The following SHISA9 variants were observed in gnomAD, a reference collection of about 807,000 sequenced individuals.
The protein encoded by SHISA9 is shisa family member 9.
Under a neutral mutation model 38.0 loss-of-function variants are expected in SHISA9, and 13 were observed. That is an observed-to-expected ratio of 0.34 (90% CI 0.22 to 0.54). The LOEUF (loss-of-function observed/expected upper bound fraction) is 0.54, where lower values mean the gene tolerates loss of function less well. SHISA9 is among the 20% of genes least tolerant of loss of function. The pLI, the probability that SHISA9 is intolerant of heterozygous loss-of-function variation, is 0.91. For missense variants in SHISA9, 538 were observed against 575.8 expected, an observed-to-expected ratio of 0.93 and a Z score of 0.67; for synonymous variants, 275 against 242.0, an observed-to-expected ratio of 1.14 and a Z score of -1.27.
intron 2 of SHISA9, among the ~76,000 whole-genome samples, chr16:13,167,065 C>CT (rs1029913159): frequency 2.8e-5 from 4 of 142,658 alleles, no homozygotes; most frequent in Admixed American, 7.1e-5. Flanking sequence ...CTCTCTCTCT[C>CT]TTTTTTCTTT....
At chr16:13,502,122 A>C in the SHISA9 span, among the ~76,000 whole-genome samples, 1 of 152,350 alleles carries the variant, frequency 6.6e-6, no homozygotes, top group African/African-American at 2.4e-5. Flanking sequence ...TATATTTTAA[A>C]ATACTTTGTA....
At chr16:13,015,645 G>T (rs527996789) in intron 2 of SHISA9, among the ~76,000 whole-genome samples, 2 of 152,184 alleles carry the variant, frequency 1.3e-5, no homozygotes, top group African/African-American at 2.4e-5. Flanking sequence ...GCCCCTAAAG[G>T]CATGCAGGCT....
At chr16:12,946,657 C>T (rs12922637) in intron 2 of SHISA9, among the ~76,000 whole-genome samples, 30,770 of 152,164 alleles carry the variant, frequency 0.2, 3,827 homozygotes, top group Middle Eastern at 0.36. Context: ...AGTCAGTCCC[C>T]GGCTCTGGCT....
intron 2 of SHISA9, among the ~76,000 whole-genome samples, chr16:13,187,502 T>C (rs970319611): frequency 9.9e-5 from 15 of 151,784 alleles, no homozygotes; most frequent in African/African-American, 3.6e-4. Context: ...ACTGGGCTAA[T>C]TTTTGTATTT....
the SHISA9 span, among the ~76,000 whole-genome samples, chr16:13,463,097 A>C: frequency 6.6e-6 from 1 of 152,228 alleles, no homozygotes; most frequent in African/African-American, 2.4e-5. Context: ...GGAAGGTTGC[A>C]GTGAGCTGTG....
At chr16:13,467,560 A>G in the SHISA9 span, among the ~76,000 whole-genome samples, 2 of 151,736 alleles carry the variant, frequency 1.3e-5, no homozygotes, top group African/African-American at 4.8e-5. Flanking sequence ...GATTTCTTCA[A>G]CTCCATGATC....
intron 2 of SHISA9, among the ~76,000 whole-genome samples, chr16:13,077,016 G>A (rs547332905): frequency 6.6e-5 from 10 of 152,298 alleles, no homozygotes; most frequent in East Asian, 3.9e-4. Flanking sequence ...AAAATCCCAC[G>A]GAGGCTGGAG....
At chr16:13,049,834 G>C (rs2073230387) in intron 2 of SHISA9, among the ~76,000 whole-genome samples, 1 of 151,698 alleles carries the variant, frequency 6.6e-6, no homozygotes, top group African/African-American at 2.4e-5. Flanking sequence ...ACTTGGGAGG[G>C]TCTGAATGGG....
the SHISA9 span, among the ~76,000 whole-genome samples, chr16:13,249,305 C>T: frequency 7.9e-5 from 12 of 152,138 alleles, no homozygotes; most frequent in Admixed American, 7.9e-4. Flanking sequence ...GGGTCAGCCT[C>T]GTTGAAGATA....
chr16:13,518,440 G>A, the SHISA9 span, among the ~76,000 whole-genome samples: 1 of 152,002 alleles, frequency 6.6e-6, no homozygotes, highest in Non-Finnish European at 1.5e-5. Flanking sequence ...ATAGGAAACA[G>A]GACCAGAAAA....
the SHISA9 span, among the ~76,000 whole-genome samples, chr16:13,450,376 CT>C: frequency 6.6e-6 from 1 of 152,290 alleles, no homozygotes; most frequent in African/African-American, 2.4e-5. Context: ...CTTAGCCAAA[CT>C]GGTCTCCCAT....
chr16:13,553,229 AT>A, the SHISA9 span, among the ~76,000 whole-genome samples: 1 of 152,120 alleles, frequency 6.6e-6, no homozygotes, highest in African/African-American at 2.4e-5. Flanking sequence ...AGGACTATTC[AT>A]TTCCCCATTC....
the SHISA9 span, among the ~76,000 whole-genome samples, chr16:13,495,919 T>G: frequency 6.6e-6 from 1 of 151,758 alleles, no homozygotes. Context: ...AGAGACAAAA[T>G]AAAAGATGTG....
rs188398258 is a variant in SHISA9, at chr16:13,021,221, T to G, written c.691+104406T>G. 2.6e-3 allele frequency among the ~76,000 whole-genome samples: 397 copies of G among 152,264 alleles called. 3 individuals carry two copies. Among genetic ancestry groups the G allele is most frequent in the African/African-American group, 8.6e-3 (356 of 41,552 alleles). ...TGTTTGGTGGCATTTGGAGACATTTTTTATTGTTACCACTGGGAAAGGTTG... is the reference window on the plus strand; with the variant it reads ...TGTTTGGTGGCATTTGGAGACATTTGTTATTGTTACCACTGGGAAAGGTTG... On this transcript the variant is annotated intron_variant, in intron 2 of 4. Transcript: ENST00000558583.
At chr16:13,119,389 A>T (rs2074063237) in intron 2 of SHISA9, among the ~76,000 whole-genome samples, 1 of 152,322 alleles carries the variant, frequency 6.6e-6, no homozygotes, top group African/African-American at 2.4e-5. Context: ...AATAAGGACT[A>T]GATTTTGATT....
the SHISA9 span, among the ~76,000 whole-genome samples, chr16:13,549,329 A>G: frequency 5.9e-5 from 9 of 152,284 alleles, no homozygotes; most frequent in East Asian, 1.7e-3. Flanking sequence ...AATATTTTAT[A>G]TAAGAAATGA....
chr16:13,134,945 C>G (rs773183394), intron 2 of SHISA9, among the ~76,000 whole-genome samples: 6 of 152,270 alleles, frequency 3.9e-5, no homozygotes, highest in African/African-American at 7.2e-5. Flanking sequence ...TGCAATGACT[C>G]TTGAAGCTTC....
At chr16:13,250,655 T>TTA in the SHISA9 span, among the ~76,000 whole-genome samples, 4 of 152,148 alleles carry the variant, frequency 2.6e-5, no homozygotes, top group Non-Finnish European at 5.9e-5. Context: ...CACCAGGTGC[T>TTA]TATATATATA....
chr16:12,944,820 G>A (rs961374032), intron 2 of SHISA9, among the ~76,000 whole-genome samples: 2 of 152,126 alleles, frequency 1.3e-5, no homozygotes, highest in African/African-American at 2.4e-5. Flanking sequence ...TTTCCTACAA[G>A]CAGATGCTGA....
Sources: gnomAD v4.1 joint callset for allele counts (sites outside exome capture counted in the v4.1 genomes callset) on GRCh38, gnomAD v4.1.1 for gene constraint, MANE v1.5 for transcripts, NCBI Gene and HGNC (gene_info 2026-07-23, HGNC 2026-07-21) for gene names.